ABCB4: variants seen among roughly 807,000 people sequenced by gnomAD.
ABCB4 encodes the protein ATP binding cassette subfamily B member 4.
In ABCB4, 76 loss-of-function variants were observed where a neutral mutation model predicts 145.7. The ratio of observed to expected loss-of-function variants is 0.52; its 90% CI spans 0.43 to 0.63. ABCB4 has a LOEUF of 0.63. Among genes scored for constraint, ABCB4 ranks in the 30% least tolerant of loss-of-function variants. ABCB4 has a pLI of 0.00. For synonymous variants in ABCB4, 517 were observed against 566.8 expected (o/e 0.91, Z 1.25); for missense variants, 1,234 against 1,553.1 (o/e 0.79, Z 3.45).
intron 25 of ABCB4, among the ~76,000 whole-genome samples, chr7:87,407,148 A>G (rs1808257368): frequency 6.6e-6 from 1 of 152,216 alleles, no homozygotes; most frequent in Non-Finnish European, 1.5e-5. Context: ...AAGTGTTGTA[A>G]TATGTACTTG....
the ABCB4 span, among the ~76,000 whole-genome samples, chr7:87,370,330 G>A: frequency 1.3e-4 from 20 of 152,056 alleles, no homozygotes; most frequent in South Asian, 1.9e-3. Context: ...TTATAGGTGC[G>A]CACCACCATG....
rs1433975818 is a variant in ABCB4 at position 87,460,162 on chromosome 7, A to C, written c.286+2596T>G. Among the ~76,000 whole-genome samples, 6 of 152,300 alleles carry C rather than the reference A, an allele frequency of 3.9e-5. No homozygotes were observed. In the East Asian group the frequency reaches 1.2e-3, roughly 29 times the overall value. On this transcript the variant is annotated intron_variant, in intron 4 of 27. Transcript: ENST00000649586. Reference sequence around the variant, plus strand: ...ACCATTTAATAGACCCTTGAGTATTAATGTGCATAAATGCATCTCTGATTC... The same window carrying C: ...ACCATTTAATAGACCCTTGAGTATTCATGTGCATAAATGCATCTCTGATTC...
chr7:87,397,531 CTT>C (rs1167696890), downstream of ABCB4, among the ~76,000 whole-genome samples: 8 of 152,042 alleles, frequency 5.3e-5, no homozygotes, highest in Non-Finnish European at 1.5e-5. Flanking sequence ...AAAATTGACA[CTT>C]GAATAAGAAT....
the ABCB4 span, among the ~76,000 whole-genome samples, chr7:87,379,685 C>T: frequency 1.3e-5 from 2 of 152,244 alleles, no homozygotes; most frequent in Non-Finnish European, 2.9e-5. Flanking sequence ...TGTGCATTAA[C>T]ATGCATATAT....
the ABCB4 span, among the ~76,000 whole-genome samples, chr7:87,367,711 T>C: frequency 2.0e-5 from 3 of 152,174 alleles, no homozygotes; most frequent in African/African-American, 7.2e-5. Flanking sequence ...TGCTTTTGCA[T>C]TATCCTCTCT....
the ABCB4 span, chr7:87,369,448 A>G: frequency 1.5e-3 from 2,487 of 1,613,068 alleles, 4 homozygotes; most frequent in Non-Finnish European, 2.0e-3. Flanking sequence ...GATGTAATAC[A>G]TGAAGGATGT....
At chr7:87,448,948 T>C (rs888876351) in intron 8 of ABCB4, among the ~76,000 whole-genome samples, 2 of 152,210 alleles carry the variant, frequency 1.3e-5, no homozygotes, top group Non-Finnish European at 1.5e-5. Flanking sequence ...ATACTTCAAC[T>C]ACAGTAGGGG....
In ABCB4 at chr7:87,417,417, C is replaced by A; in HGVS notation, c.2577G>T (p.Leu859Phe). ...CAATAATTGGAACAACTGCTAATAG[C>A]AATAGGGTTAACTGCCAACCGTAGA... is the stretch of plus-strand genomic sequence containing the variant. ...SFIYGWQLTLLLLAVVPIIAV... is the reference protein window; with the variant it reads ...SFIYGWQLTLFLLAVVPIIAV... The change falls in exon 21 of 28, where the codon TTG becomes TTT. Residue 859 changes from leucine to phenylalanine, a missense_variant. Transcript: ENST00000649586. The A allele has an allele frequency of 1.9e-6, 3 of 1,614,072 alleles. No individual in the cohort carries two copies. The highest frequency in any genetic ancestry group is 2.5e-6 in the Non-Finnish European group (3 of 1,179,992).
the ABCB4 span, among the ~76,000 whole-genome samples, chr7:87,367,380 A>G: frequency 6.6e-6 from 1 of 152,210 alleles, no homozygotes; most frequent in Non-Finnish European, 1.5e-5. Flanking sequence ...ATTTTCTTCT[A>G]GAGCCTCTAG....
At chr7:87,417,204 G>T in intron 21 of ABCB4, 108 bp downstream of exon 21, 2 of 1,012,434 alleles carry the variant, frequency 2.0e-6, no homozygotes, top group Non-Finnish European at 3.0e-6. Context: ...TAGTTGTAGT[G>T]GGCACAAACA....
At position 87,431,442 on chromosome 7, in the gene ABCB4, T is replaced by TC. The variant is rs1810216717; in HGVS notation, c.1854dup (p.Lys619GlufsTer25). Reference sequence around the variant, plus strand: ...AGTTTGAAGTACACCCCTTCCTTCTTCATCAGTTCGCTGTGGCTTCCTTGC... The same window carrying TC: ...AGTTTGAAGTACACCCCTTCCTTCTTCCATCAGTTCGCTGTGGCTTCCTTGC... On this transcript the variant is annotated frameshift_variant, in exon 15 of 28. Transcript: ENST00000649586. LOFTEE classifies it high-confidence loss of function. 6.2e-7 allele frequency: 1 copy of TC among 1,614,046 alleles called. No homozygotes were observed. The highest frequency in any genetic ancestry group is 1.1e-5 in the South Asian group (1 of 91,090).
the ABCB4 span, among the ~76,000 whole-genome samples, chr7:87,379,416 G>C: frequency 1.3e-5 from 2 of 152,070 alleles, no homozygotes; most frequent in Non-Finnish European, 2.9e-5. Flanking sequence ...ATGTTATATT[G>C]TTATATAAGA....
intron 3 of ABCB4, among the ~76,000 whole-genome samples, chr7:87,464,533 C>T (rs777129367): frequency 2.0e-5 from 3 of 152,170 alleles, no homozygotes; most frequent in Non-Finnish European, 2.9e-5. Context: ...CATTAAAAAG[C>T]ATTTTAAATG....
At chr7:87,369,407 A>G in the ABCB4 span, 2 of 1,612,958 alleles carry the variant, frequency 1.2e-6, no homozygotes, top group African/African-American at 2.7e-5. Context: ...ACCACATTGT[A>G]GTGCTGTGTC....
At position 87,406,288 on chromosome 7, in the gene ABCB4, G is replaced by A. The variant is rs564031377; in HGVS notation, c.3486C>T (p.His1162=). 5.0e-6 allele frequency: 8 copies of A among 1,613,932 alleles called. No individual in the cohort carries two copies. The Admixed American group carries it at 5.0e-5, about 10-fold the overall frequency. ...NIHPFIETLP[H]KYETRVGDKG... ...TGATTTCAGCTACTCTTTAACTTAC[G>A]TGGGGTAACGTCTCGATGAAAGGAT... The change falls in exon 26 of 28, where the codon CAC becomes CAT. Residue 1162 remains histidine, a splice_region_variant and synonymous_variant. Transcript: ENST00000649586.
At chr7:87,455,497 C>T (rs1184731414) in intron 4 of ABCB4, among the ~76,000 whole-genome samples, 1 of 152,208 alleles carries the variant, frequency 6.6e-6, no homozygotes. Flanking sequence ...AATAAAGTAA[C>T]TTACTCAATG....
intron 3 of ABCB4, among the ~76,000 whole-genome samples, chr7:87,472,019 G>C (rs1443561935): frequency 6.6e-6 from 1 of 152,174 alleles, no homozygotes; most frequent in Non-Finnish European, 1.5e-5. Context: ...TGAAATTGTT[G>C]AGTTTGCATT....
At chr7:87,443,223 TG>T in intron 12 of ABCB4, 95 bp downstream of exon 12, 1 of 1,529,250 alleles carries the variant, frequency 6.5e-7, no homozygotes, top group Non-Finnish European at 9.0e-7. Context: ...TTACCAAAAC[TG>T]GATTCACACG....
At position 87,471,046 on chromosome 7, in the gene ABCB4, T is replaced by G. The variant is rs1395591724; in HGVS notation, c.135+1575A>C. On this transcript the variant is annotated intron_variant, in intron 3 of 27. Coordinates refer to ENST00000649586, the MANE Select transcript of ABCB4 (RefSeq NM_000443.4). ...TGGAATACTATGCAGCCATAAAAAA[T>G]GATGAGTTCATGTCCTTTGTAGGGA... Among the ~76,000 whole-genome samples, 5 of 152,166 alleles carry G rather than the reference T, an allele frequency of 3.3e-5. No homozygotes were observed. The East Asian group carries it at 9.7e-4, about 29-fold the overall frequency.
Sources: allele counts gnomAD v4.1 joint callset (sites outside exome capture counted in the v4.1 genomes callset), GRCh38; gene constraint gnomAD v4.1.1; transcripts MANE v1.5; gene names NCBI Gene and HGNC (gene_info 2026-07-23, HGNC 2026-07-21).